Variants in PSME4 observed in about 807,000 individuals in gnomAD.
The protein encoded by PSME4 is proteasome activator subunit 4, also known as proteasome activator complex subunit 4.
A neutral mutation model predicts 253.9 loss-of-function variants in PSME4; 89 were observed. The observed-to-expected ratio is 0.35, with a 90% CI of 0.30 to 0.42. The LOEUF (loss-of-function observed/expected upper bound fraction) is 0.42. Ranked by LOEUF, PSME4 falls within the 10% of genes least tolerant of loss-of-function variation. PSME4 has a pLI of 1.00. For missense variants in PSME4, 2,014 were observed against 2,195.2 expected, an observed-to-expected ratio of 0.92 and a Z score of 1.65; for synonymous variants, 851 against 759.2, an observed-to-expected ratio of 1.12 and a Z score of -1.99.
At chr2:53,872,021 A>C (rs2104410868) in intron 43 of PSME4, among the ~76,000 whole-genome samples, 2 of 151,956 alleles carry the variant, frequency 1.3e-5, no homozygotes, top group South Asian at 2.1e-4. Flanking sequence ...TCTCCAAAAA[A>C]AGGGGGGGCG....
chr2:53,889,701 T>C lies in PSME4; in HGVS notation c.4296+403A>G, dbSNP rs144438932. 3.3e-5 allele frequency among the ~76,000 whole-genome samples: 5 copies of C among 152,366 alleles called. No individual in the cohort carries two copies. In the East Asian group the frequency reaches 9.6e-4, roughly 29 times the overall value. On this transcript the variant is annotated intron_variant, in intron 37 of 46. Transcript: ENST00000404125. ...GTACACGAGCTATGGACATATCTGG[T>C]ATAAAAAATAATACCTATAACTTTG...
intron 24 of PSME4, 123 bp downstream of exon 24, chr2:53,908,197 C>A: frequency 1.4e-6 from 1 of 705,486 alleles, no homozygotes; most frequent in Non-Finnish European, 2.3e-6. Context: ...CTTTTACATA[C>A]TTTTAAATCT....
chr2:53,917,796 T>C (rs1432466328), intron 20 of PSME4, among the ~76,000 whole-genome samples: 2 of 152,256 alleles, frequency 1.3e-5, no homozygotes, highest in East Asian at 1.9e-4. Context: ...CGAAACAATT[T>C]TTGAAGCCTC....
At chr2:53,922,425 T>G in intron 17 of PSME4, 92 bp downstream of exon 17, 1 of 1,334,316 alleles carries the variant, frequency 7.5e-7, no homozygotes. Context: ...ACTTTTCATA[T>G]GTTTTAAAGT....
chr2:53,880,063 T>C (rs1679308863), intron 41 of PSME4, among the ~76,000 whole-genome samples: 1 of 152,130 alleles, frequency 6.6e-6, no homozygotes, highest in Non-Finnish European at 1.5e-5. Context: ...ATCTCCAAAA[T>C]GGCAGGACAT....
rs1254805143 is a variant in PSME4 at position 53,970,954 on chromosome 2, A to G, written c.-170T>C. On this transcript the variant is annotated 5_prime_UTR_variant, in exon 1 of 47. Transcript: ENST00000404125. The stretch of plus-strand genomic sequence containing the variant: ...CCTGGCCGGCGTGCTGCTGGGCCCC[A>G]CGCGGCTCTCAGTTCGTTGGCGGCG... 1.1e-5 allele frequency: 6 copies of G among 523,090 alleles called. No individual in the cohort carries two copies. The highest frequency in any genetic ancestry group is 2.0e-5 in the African/African-American group (1 of 49,128). 32.4% of individuals were successfully genotyped at this position (523,090 alleles called of 1,614,324 possible).
At chr2:53,960,328 G>A (rs996845487) in intron 1 of PSME4, among the ~76,000 whole-genome samples, 1 of 151,690 alleles carries the variant, frequency 6.6e-6, no homozygotes, top group Non-Finnish European at 1.5e-5. Context: ...GAACCTGGGA[G>A]GCGGAGGTTG....
At chr2:53,950,390 A>T (rs1390675260) in intron 1 of PSME4, among the ~76,000 whole-genome samples, 1 of 152,198 alleles carries the variant, frequency 6.6e-6, no homozygotes. Context: ...TAAACAAGTT[A>T]CATAACTTGT....
chr2:53,914,161 T>C (rs1667953907), intron 20 of PSME4, among the ~76,000 whole-genome samples: 1 of 152,196 alleles, frequency 6.6e-6, no homozygotes, highest in Non-Finnish European at 1.5e-5. Context: ...GAAAAATGAC[T>C]CCTCTACCTT....
intron 26 of PSME4, among the ~76,000 whole-genome samples, chr2:53,904,694 A>G (rs908652745): frequency 2.0e-5 from 3 of 152,294 alleles, no homozygotes; most frequent in African/African-American, 4.8e-5. Context: ...ATGGATAATA[A>G]CTGGTTATAG....
intron 46 of PSME4, 80 bp downstream of exon 46, chr2:53,866,005 G>A: frequency 7.3e-7 from 1 of 1,366,096 alleles, no homozygotes; most frequent in East Asian, 2.5e-5. Flanking sequence ...ATCTAAGAAT[G>A]TCAGCAAAAA....
chr2:53,962,589 C>A (rs192277821), intron 1 of PSME4, among the ~76,000 whole-genome samples: 135 of 152,258 alleles, frequency 8.9e-4, no homozygotes, highest in Middle Eastern at 3.4e-3. Context: ...CAAAGTAAGG[C>A]ATTAAAACAC....
intron 20 of PSME4, 29 bp from the exon 21 acceptor site, chr2:53,910,159 A>C: frequency 6.4e-7 from 1 of 1,551,638 alleles, no homozygotes; most frequent in Non-Finnish European, 8.9e-7. Context: ...GCTTGCATTT[A>C]TTAATAATAC....
rs142440918 is a variant in PSME4 at position 53,926,156 on chromosome 2, C to G, written c.1594-133G>C. 2.6e-3 allele frequency: 1,649 copies of G among 635,084 alleles called. 3 individuals carry two copies. Among genetic ancestry groups the G allele is most frequent in the Non-Finnish European group, 3.8e-3 (1,396 of 363,632 alleles). 39.3% of individuals were successfully genotyped at this position (635,084 alleles called of 1,614,324 possible). A position where few individuals can be genotyped will look rare whatever the true frequency, so the allele number is the denominator to read the frequency against. ...TATTGGGTACTATGAGAAACAGCAC[C>G]ATGCTAGACTTCATCTACTACTTTC... On this transcript the variant is annotated intron_variant, in intron 12 of 46. Coordinates refer to ENST00000404125, the MANE Select transcript of PSME4 (RefSeq NM_014614.3).
At chr2:53,942,345 G>A (rs1669491086) in intron 3 of PSME4, 1 of 152,294 alleles carries the variant, frequency 6.6e-6, no homozygotes, top group Admixed American at 6.6e-5. Context: ...TAATACTAAA[G>A]TGATAACAAT....
chr2:53,889,988 A>G, intron 37 of PSME4, 116 bp downstream of exon 37: 1 of 835,946 alleles, frequency 1.2e-6, no homozygotes, highest in Non-Finnish European at 1.9e-6. Flanking sequence ...AAAAACAATT[A>G]AAAAACAAAA....
chr2:53,929,081 G>A (rs1159343811), intron 10 of PSME4, among the ~76,000 whole-genome samples: 6 of 151,914 alleles, frequency 3.9e-5, no homozygotes, highest in South Asian at 2.1e-4. Context: ...CAGGAGGATC[G>A]CTTGAACCTG....
chr2:53,970,795 A>AC lies in PSME4; in HGVS notation c.-12dup. 1 of 1,512,388 alleles carries AC rather than the reference A, an allele frequency of 6.6e-7. No homozygotes were observed. The highest frequency in any genetic ancestry group is 8.9e-7 in the Non-Finnish European group (1 of 1,128,084). The allele number at this position is 1,512,388 out of a possible 1,614,324, so 93.7% of individuals were successfully genotyped here. Reference sequence around the variant, plus strand: ...CTCGGCCGGCTCCATGAGCCCAGGGACACCCCCCCCACCCCCTCCCACCCG... The same window carrying AC: ...CTCGGCCGGCTCCATGAGCCCAGGGACCACCCCCCCCACCCCCTCCCACCCG... On this transcript the variant is annotated 5_prime_UTR_variant, in exon 1 of 47. Coordinates refer to ENST00000404125, the MANE Select transcript of PSME4 (RefSeq NM_014614.3).
chr2:53,927,548 T>A, intron 11 of PSME4, 65 bp from the exon 12 acceptor site: 1 of 1,110,756 alleles, frequency 9.0e-7, no homozygotes, highest in Non-Finnish European at 1.4e-6. Context: ...AAGTATACCA[T>A]GAACTACAAT....
Sources: allele counts gnomAD v4.1 joint callset (sites outside exome capture counted in the v4.1 genomes callset), GRCh38; gene constraint gnomAD v4.1.1; transcripts MANE v1.5; gene names NCBI Gene and HGNC (gene_info 2026-07-23, HGNC 2026-07-21).